KCNH7: variants seen among roughly 807,000 people sequenced by gnomAD.
KCNH7 encodes potassium voltage-gated channel subfamily H member 7.
A neutral mutation model predicts 120.8 loss-of-function variants in KCNH7; 49 were observed. The observed-to-expected ratio is 0.41, with a 90% confidence interval of 0.32 to 0.51. KCNH7 has a LOEUF of 0.51. Among genes scored for constraint, KCNH7 ranks in the 20% least tolerant of loss-of-function variants. The pLI, the probability that KCNH7 is intolerant of heterozygous loss-of-function variation, is 0.38. For synonymous variants in KCNH7, 547 were observed against 516.1 expected, an observed-to-expected ratio of 1.06 and a Z score of -0.81; for missense variants, 1,097 against 1,446.6, an observed-to-expected ratio of 0.76 and a Z score of 3.92.
chr2:162,827,661 C>A (rs1344412575), intron 2 of KCNH7, among the ~76,000 whole-genome samples: 1 of 152,040 alleles, frequency 6.6e-6, no homozygotes, highest in Non-Finnish European at 1.5e-5. Flanking sequence ...AGAACTGGAA[C>A]TAGGAAATAC....
At chr2:162,549,270 C>A (rs982157782) in intron 2 of KCNH7, among the ~76,000 whole-genome samples, 1 of 152,224 alleles carries the variant, frequency 6.6e-6, no homozygotes, top group African/African-American at 2.4e-5. Flanking sequence ...TACAGGCAAT[C>A]TCTATGCTCC....
At chr2:162,401,287 T>C (rs1011512996) in intron 9 of KCNH7, among the ~76,000 whole-genome samples, 1 of 151,964 alleles carries the variant, frequency 6.6e-6, no homozygotes, top group Admixed American at 6.6e-5. Context: ...GGCATTCAAC[T>C]CTTGCTTCTC....
chr2:162,630,508 A>G (rs1324890990), intron 2 of KCNH7, among the ~76,000 whole-genome samples: 3 of 152,174 alleles, frequency 2.0e-5, no homozygotes. Flanking sequence ...GAAAAGTGAA[A>G]AAAATGTAAT....
intron 13 of KCNH7, 64 bp downstream of exon 13, chr2:162,384,624 T>A: frequency 6.6e-7 from 1 of 1,509,160 alleles, no homozygotes; most frequent in African/African-American, 1.4e-5. Context: ...TCTTAATTTG[T>A]AAAAAGTCAC....
At position 162,385,066 on chromosome 2, in the gene KCNH7, G is replaced by C. The variant is rs546274263; in HGVS notation, c.2711-127C>G. 4.1e-5 allele frequency: 26 copies of C among 632,940 alleles called. No homozygotes were observed. The East Asian group carries it at 6.4e-4, about 15-fold the overall frequency. 39.2% of individuals were successfully genotyped at this position (632,940 alleles called of 1,614,324 possible). ...TTCCTATTGAAAATGTAGCTACTTGGGTACTCAATTTTTTAAATTCAAGGG... is the reference window on the plus strand; with the variant it reads ...TTCCTATTGAAAATGTAGCTACTTGCGTACTCAATTTTTTAAATTCAAGGG... On this transcript the variant is annotated intron_variant, in intron 12 of 15. Transcript: ENST00000332142.
At chr2:162,540,171 A>G (rs1356539100) in intron 2 of KCNH7, among the ~76,000 whole-genome samples, 1 of 151,964 alleles carries the variant, frequency 6.6e-6, no homozygotes, top group Admixed American at 6.6e-5. Flanking sequence ...TGTTAAATGA[A>G]TCTTGTATTC....
intron 2 of KCNH7, among the ~76,000 whole-genome samples, chr2:162,681,582 T>G (rs1432403523): frequency 6.6e-6 from 1 of 151,710 alleles, no homozygotes; most frequent in Non-Finnish European, 1.5e-5. Context: ...TAGCAGTCAG[T>G]ATAATATTCA....
chr2:162,551,395 T>C (rs1400740083), intron 2 of KCNH7, among the ~76,000 whole-genome samples: 1 of 152,176 alleles, frequency 6.6e-6, no homozygotes, highest in African/African-American at 2.4e-5. Context: ...TTTTCTTTTT[T>C]TCAAAATGAA....
rs1233048646 is a variant in KCNH7 at position 162,446,194 on chromosome 2, T to C, written c.1378A>G (p.Ile460Val). The C allele has an allele frequency of 6.2e-7, 1 of 1,613,690 alleles. No homozygotes were observed. Among genetic ancestry groups the C allele is most frequent in the Non-Finnish European group, 8.5e-7 (1 of 1,179,664 alleles). ...ATTAAAATATCTATGATAAACATAA[T>C]ATCCACAATCAAGTCTACCACATTC... ...PLNVVDLIVD[I>V]MFIIDILINF... Residue 460 changes from isoleucine (I) to valine (V), a missense_variant, in exon 7 of 16, where the codon ATT (isoleucine) becomes GTT (valine). Transcript: ENST00000332142.
chr2:162,732,147 T>G (rs1046812363), intron 2 of KCNH7, among the ~76,000 whole-genome samples: 1 of 152,006 alleles, frequency 6.6e-6, no homozygotes, highest in Non-Finnish European at 1.5e-5. Flanking sequence ...AGTGGGCAAA[T>G]TCTAGGACGA....
At chr2:162,474,795 A>G (rs1438338020) in intron 6 of KCNH7, among the ~76,000 whole-genome samples, 1 of 150,876 alleles carries the variant, frequency 6.6e-6, no homozygotes, top group Non-Finnish European at 1.5e-5. Flanking sequence ...CTAGTAAGCA[A>G]GCTTGGAAAC....
At chr2:162,440,884 A>G (rs1415528522) in intron 7 of KCNH7, among the ~76,000 whole-genome samples, 1 of 152,154 alleles carries the variant, frequency 6.6e-6, no homozygotes, top group Non-Finnish European at 1.5e-5. Context: ...AAATGTTACA[A>G]CAAATAAATA....
At chr2:162,396,387 TG>T (rs1686912938) in intron 11 of KCNH7, among the ~76,000 whole-genome samples, 1 of 151,816 alleles carries the variant, frequency 6.6e-6, no homozygotes, top group Admixed American at 6.6e-5. Flanking sequence ...TTCTAACCTC[TG>T]TATAAGATAA....
At chr2:162,482,814 G>T (rs574839763) in intron 6 of KCNH7, among the ~76,000 whole-genome samples, 71 of 152,098 alleles carry the variant, frequency 4.7e-4, no homozygotes, top group Admixed American at 4.3e-3. Flanking sequence ...TATTTTTCTG[G>T]ATAGCTATAC....
At position 162,415,847 on chromosome 2, in the gene KCNH7, T is replaced by C. The variant is rs149632932; in HGVS notation, c.2154+7489A>G. Among the ~76,000 whole-genome samples, 13 of 152,288 alleles carry C rather than the reference T, an allele frequency of 8.5e-5. No homozygotes were observed. In the East Asian group the frequency reaches 2.5e-3, roughly 29 times the overall value. On this transcript the variant is annotated intron_variant, in intron 9 of 15. Transcript: ENST00000332142. ...TAAATGTTATGTAACCTAGTCCTTT[T>C]CTTCATTCTGACCACTGTCTACATG...
At chr2:162,529,222 G>A (rs1276957737) in intron 3 of KCNH7, among the ~76,000 whole-genome samples, 12 of 152,078 alleles carry the variant, frequency 7.9e-5, no homozygotes, top group Admixed American at 3.3e-4. Flanking sequence ...CCTAAGCAGC[G>A]TATATAGAGA....
At chr2:162,625,754 A>G (rs1399358524) in intron 2 of KCNH7, among the ~76,000 whole-genome samples, 3 of 152,144 alleles carry the variant, frequency 2.0e-5, no homozygotes, top group Admixed American at 6.6e-5. Flanking sequence ...TATAATTTAC[A>G]TTGGAAAGGT....
At chr2:162,643,623 A>G (rs1288468707) in intron 2 of KCNH7, among the ~76,000 whole-genome samples, 1 of 151,990 alleles carries the variant, frequency 6.6e-6, no homozygotes, top group East Asian at 1.9e-4. Flanking sequence ...CCTGGCCAAC[A>G]TGGTGAAACC....
intron 9 of KCNH7, among the ~76,000 whole-genome samples, chr2:162,418,174 C>A (rs1687594270): frequency 1.3e-5 from 2 of 152,126 alleles, no homozygotes; most frequent in South Asian, 4.1e-4. Flanking sequence ...TAATTCAACT[C>A]CTAAATGGTA....
Sources: allele counts gnomAD v4.1 joint callset (sites outside exome capture counted in the v4.1 genomes callset), GRCh38; gene constraint gnomAD v4.1.1; transcripts MANE v1.5; gene names NCBI Gene and HGNC (gene_info 2026-07-23, HGNC 2026-07-21).